ZNF213: variants seen among roughly 807,000 people sequenced by gnomAD.
The protein encoded by ZNF213 is zinc finger protein 213, also known as putative transcription factor CR53.
A neutral mutation model predicts 46.0 loss-of-function variants in ZNF213; 32 were observed. The ratio of observed to expected loss-of-function variants is 0.70; its 90% CI spans 0.52 to 0.93. The LOEUF (loss-of-function observed/expected upper bound fraction) is 0.93, where lower values mean the gene tolerates loss of function less well. Ranked by LOEUF, ZNF213 falls within the 40% of genes least tolerant of loss-of-function variation. The pLI is 0.00. For synonymous variants in ZNF213, 297 were observed against 271.0 expected (o/e 1.10, Z -0.94); for missense variants, 639 against 652.8 (o/e 0.98, Z 0.23).
In ZNF213 at chr16:3,142,507, G is replaced by T; in HGVS notation, c.*1160G>T. ...ATCATCACTATGTCCAGCTCCGTCG[G>T]CACTACCACCCTGCTCCATCATCAC... On this transcript the variant is annotated 3_prime_UTR_variant, in exon 6 of 6. Coordinates refer to ENST00000396878, the MANE Select transcript of ZNF213 (RefSeq NM_004220.3). The T allele has an allele frequency of 5.3e-6, 1 of 187,584 alleles. No homozygotes were observed. The highest frequency in any genetic ancestry group is 1.1e-5 in the Non-Finnish European group (1 of 88,136). 11.6% of individuals were successfully genotyped at this position (187,584 alleles called of 1,614,324 possible).
rs1419890407 is a variant in ZNF213 at position 3,137,440 on chromosome 16, G to A, written c.160G>A (p.Gly54Arg). 11 of 1,613,836 alleles carry A rather than the reference G, an allele frequency of 6.8e-6. No individual in the cohort carries two copies. Among genetic ancestry groups the A allele is most frequent in the African/African-American group, 2.7e-5 (2 of 74,930 alleles). ...CCAGCGCTTCCGGCAATTCTGCTACGGGGATGTGCATGGGCCTCATGAGGC... is the reference window on the plus strand; with the variant it reads ...CCAGCGCTTCCGGCAATTCTGCTACAGGGATGTGCATGGGCCTCATGAGGC... ...CRQRFRQFCY[G>R]DVHGPHEAFS... Residue 54 changes from glycine to arginine, a missense_variant, in exon 2 of 6, where the codon GGG (glycine) becomes AGG (arginine). Gly to Arg is a moderately radical substitution (Grantham distance 125). Coordinates refer to ENST00000396878, the MANE Select transcript of ZNF213 (RefSeq NM_004220.3).
intron 5 of ZNF213, chr16:3,140,470 G>C: frequency 1.8e-6 from 1 of 566,408 alleles, no homozygotes; most frequent in Non-Finnish European, 2.7e-6. Context: ...TGATCAGCTC[G>C]CCTCAGCCTC....
rs573150167 is a variant in ZNF213, at chr16:3,140,998, C to T, written c.1031C>T (p.Pro344Leu). The T allele has an allele frequency of 6.2e-7, 1 of 1,611,638 alleles. No individual in the cohort carries two copies. Among genetic ancestry groups the T allele is most frequent in the East Asian group, 2.2e-5 (1 of 44,840 alleles). The part of the protein sequence containing the change: ...RHQRTHTGEK[P>L]HKCPECDKSF... ...CAGCGCACGCACACGGGCGAGAAGC[C>T]ACACAAGTGCCCTGAGTGCGACAAG... The change falls in exon 6 of 6, where the codon CCA becomes CTA. Residue 344 changes from proline (P) to leucine (L), a missense_variant. Transcript: ENST00000396878.
At chr16:3,140,061 C>T (rs934583993) in intron 5 of ZNF213, 2 of 152,098 alleles carry the variant, frequency 1.3e-5, no homozygotes, top group African/African-American at 4.8e-5. Flanking sequence ...TTCAGAATTA[C>T]TATAAATCTG....
At chr16:3,136,269 T>G (rs915445898) in intron 1 of ZNF213, among the ~76,000 whole-genome samples, 1 of 152,192 alleles carries the variant, frequency 6.6e-6, no homozygotes, top group Non-Finnish European at 1.5e-5. Context: ...TTGGATGGTG[T>G]CTGTAAGCCC....
At position 3,139,243 on chromosome 16, in the gene ZNF213, T is replaced by C. The variant is rs376234312; in HGVS notation, c.721+145T>C. 5.5e-6 allele frequency: 7 copies of C among 1,263,356 alleles called. No individual in the cohort carries two copies. In the African/African-American group the frequency reaches 1.1e-4, roughly 19 times the overall value. 78.3% of individuals were successfully genotyped at this position (1,263,356 alleles called of 1,614,324 possible). On this transcript the variant is annotated intron_variant, in intron 5 of 5. Coordinates refer to ENST00000396878, the MANE Select transcript of ZNF213 (RefSeq NM_004220.3). ...GAGCCTGAGTAACTCCTTTCTTGGCTGATGATCAGTTTTTGTGCGTTTCCA... is the reference window on the plus strand; with the variant it reads ...GAGCCTGAGTAACTCCTTTCTTGGCCGATGATCAGTTTTTGTGCGTTTCCA...
rs757975776 is a variant in ZNF213 at position 3,137,393 on chromosome 16, G to A, written c.113G>A (p.Gly38Asp). The A allele has an allele frequency of 3.1e-6, 5 of 1,613,974 alleles. No individual in the cohort carries two copies. The highest frequency in any genetic ancestry group is 4.2e-6 in the Non-Finnish European group (5 of 1,180,032). ...CAGGAATCTGCCCAGCATGAGGATG[G>A]CAGGGATTCCGAAGCCTGCCGCCAG... is the stretch of plus-strand genomic sequence containing the variant. Reference protein sequence around the residue: ...WEQESAQHEDGRDSEACRQRF... With the variant: ...WEQESAQHEDDRDSEACRQRF... Residue 38 changes from glycine to aspartate, a missense_variant, in exon 2 of 6, where the codon GGC becomes GAC. Gly to Asp is a moderately conservative substitution (Grantham distance 94). Coordinates refer to ENST00000396878, the MANE Select transcript of ZNF213 (RefSeq NM_004220.3).
chr16:3,138,122 G>GAGGGGCCTCATCTAATGA (rs1957561701), intron 2 of ZNF213: 1 of 507,562 alleles, frequency 2.0e-6, no homozygotes, highest in Non-Finnish European at 3.5e-6. Context: ...ATGAGTGGCT[G>GAGGGGCCTCATCTAATGA]GGGGATGGGG....
At chr16:3,136,657 C>T (rs994646535) in intron 1 of ZNF213, among the ~76,000 whole-genome samples, 2 of 150,366 alleles carry the variant, frequency 1.3e-5, no homozygotes, top group Non-Finnish European at 2.9e-5. Context: ...GCAGAGGTTG[C>T]AGTGAACTGA....
At position 3,135,097 on chromosome 16, in the gene ZNF213, T is replaced by TGCGGGGGCGGGG. The variant is rs1567183372; in HGVS notation, c.-406_-405insGCGGGGGCGGGG. The TGCGGGGGCGGGG allele has an allele frequency of 2.1e-5, 1 of 47,448 alleles. No individual in the cohort carries two copies. Among genetic ancestry groups the TGCGGGGGCGGGG allele is most frequent in the African/African-American group, 7.3e-5 (1 of 13,770 alleles). The allele number at this position is 47,448 out of a possible 1,614,324, so 2.9% of individuals were successfully genotyped here. A position where few individuals can be genotyped will look rare whatever the true frequency, so the allele number is the denominator to read the frequency against. Reference sequence around the variant, plus strand: ...CTGGGCCGTAGTGGGCGTTGTGTGTTTCGGGGGCGGGGGCGGGGGCGGGGG... The same window carrying TGCGGGGGCGGGG: ...CTGGGCCGTAGTGGGCGTTGTGTGTTGCGGGGGCGGGGTCGGGGGCGGGGGCGGGGGCGGGGG... On this transcript the variant is annotated 5_prime_UTR_variant, in exon 1 of 6. Coordinates refer to ENST00000396878, the MANE Select transcript of ZNF213 (RefSeq NM_004220.3).
intron 5 of ZNF213, 159 bp from the exon 6 acceptor site, chr16:3,140,530 C>G: frequency 9.0e-7 from 1 of 1,116,492 alleles, no homozygotes; most frequent in Non-Finnish European, 1.2e-6. Flanking sequence ...GCCAATCATC[C>G]CTGTTTTATA....
Position 3,138,868 on chromosome 16 carries a change from T to C in ZNF213, c.597+50T>C, listed in dbSNP as rs1263435052. 9.9e-6 allele frequency: 16 copies of C among 1,613,498 alleles called. No individual in the cohort carries two copies. The East Asian group carries it at 3.6e-4, about 36-fold the overall frequency. On this transcript the variant is annotated intron_variant, in intron 4 of 5. Coordinates refer to ENST00000396878, the MANE Select transcript of ZNF213 (RefSeq NM_004220.3). ...CTTTAAGGCACTTGGCCCTGTTGAG[T>C]TTGTAAAATGGGACTTGCTGTCCCA...
At chr16:3,138,294 T>G in intron 2 of ZNF213, 124 bp from the exon 3 acceptor site, 3 of 1,518,570 alleles carry the variant, frequency 2.0e-6, no homozygotes, top group Non-Finnish European at 8.8e-7. Flanking sequence ...TGGGGCACCA[T>G]ATTGGTCTCC....
chr16:3,138,635 C>T (rs1313795919), intron 3 of ZNF213, 94 bp downstream of exon 3: 2 of 1,608,730 alleles, frequency 1.2e-6, no homozygotes, highest in Non-Finnish European at 1.7e-6. Flanking sequence ...GGCAGGACAG[C>T]TCCCTCTGTG....
In ZNF213 at chr16:3,141,486, G is replaced by A. The variant is rs1015000097; in HGVS notation, c.*139G>A. 6.8e-6 allele frequency: 7 copies of A among 1,026,424 alleles called. No individual in the cohort carries two copies. Among genetic ancestry groups the A allele is most frequent in the Admixed American group, 3.0e-5 (1 of 33,168 alleles). 63.6% of individuals were successfully genotyped at this position (1,026,424 alleles called of 1,614,324 possible). A position where few individuals can be genotyped will look rare whatever the true frequency, so the allele number is the denominator to read the frequency against. ...CCAGGGTACCTCACACTCGGAGCTC[G>A]CCTGCCCTGCTTGGCTCTGAGGACC... On this transcript the variant is annotated 3_prime_UTR_variant, in exon 6 of 6. Coordinates refer to ENST00000396878, the MANE Select transcript of ZNF213 (RefSeq NM_004220.3).
At chr16:3,136,179 A>G (rs1957535109) in intron 1 of ZNF213, among the ~76,000 whole-genome samples, 1 of 152,226 alleles carries the variant, frequency 6.6e-6, no homozygotes, top group Non-Finnish European at 1.5e-5. Context: ...TGAAAATTGC[A>G]TAATACACTT....
Position 3,140,785 on chromosome 16 carries a change from G to A in ZNF213, c.818G>A (p.Ser273Asn), listed in dbSNP as rs1957593615. Residue 273 changes from serine (S) to asparagine (N), a missense_variant, in exon 6 of 6, where the codon AGC (serine) becomes AAC (asparagine). By Grantham distance (46) the Ser-to-Asn change is conservative (BLOSUM62 1). Coordinates refer to ENST00000396878, the MANE Select transcript of ZNF213 (RefSeq NM_004220.3). ...QTGSDVTVSW[S>N]PEEAEAWESE... The stretch of plus-strand genomic sequence containing the variant: ...GGCAGCGACGTGACTGTGTCCTGGA[G>A]CCCCGAGGAGGCTGAGGCCTGGGAG... 2.5e-6 allele frequency: 4 copies of A among 1,593,988 alleles called. No individual in the cohort carries two copies. The highest frequency in any genetic ancestry group is 3.4e-6 in the Non-Finnish European group (4 of 1,172,572).
chr16:3,142,222 C>A lies in ZNF213; in HGVS notation c.*875C>A. ...CTCCATCGGCACTGGCGCCCTGCTC[C>A]ATCGGCACTAATGCTCCACTCGGCG... On this transcript the variant is annotated 3_prime_UTR_variant, in exon 6 of 6. Coordinates refer to ENST00000396878, the MANE Select transcript of ZNF213 (RefSeq NM_004220.3). 4.4e-6 allele frequency: 1 copy of A among 229,470 alleles called. No individual in the cohort carries two copies. Among genetic ancestry groups the A allele is most frequent in the South Asian group, 4.2e-5 (1 of 23,590 alleles). 14.2% of individuals were successfully genotyped at this position (229,470 alleles called of 1,614,324 possible). A position where few individuals can be genotyped will look rare whatever the true frequency, so the allele number is the denominator to read the frequency against.
chr16:3,139,628 C>CTCTGTCCAGA (rs60541271), intron 5 of ZNF213: 56,997 of 153,774 alleles, frequency 0.37, 10,825 homozygotes, highest in South Asian at 0.43. Context: ...GGGCTGCGAC[C>CTCTGTCCAGA]TCTGTCCAGA....
Sources: gnomAD v4.1 joint callset for allele counts (sites outside exome capture counted in the v4.1 genomes callset) on GRCh38, gnomAD v4.1.1 for gene constraint, MANE v1.5 for transcripts, NCBI Gene and HGNC (gene_info 2026-07-23, HGNC 2026-07-21) for gene names.